The following THRB variants were observed in gnomAD, a reference collection of about 807,000 sequenced individuals.
The protein encoded by THRB is nuclear receptor subfamily 1 group A member 2.
A neutral mutation model predicts 47.8 loss-of-function variants in THRB; 12 were observed. That is an observed-to-expected ratio of 0.25 (90% CI 0.16 to 0.41). The LOEUF is 0.41. THRB is among the 10% of genes least tolerant of loss of function. The pLI, the probability that THRB is intolerant of heterozygous loss-of-function variation, is 1.00. For missense variants in THRB, 348 were observed against 589.2 expected, an observed-to-expected ratio of 0.59 and a Z score of 4.24; for synonymous variants, 218 against 212.2, an observed-to-expected ratio of 1.03 and a Z score of -0.24.
chr3:24,229,132 A>G (rs1254415623), intron 3 of THRB, 131 bp from the exon 4 acceptor site: 3 of 635,460 alleles, frequency 4.7e-6, no homozygotes, highest in Non-Finnish European at 8.5e-6. Flanking sequence ...AGAACTGGGG[A>G]CACCGAAGCA....
At chr3:24,396,744 C>G (rs1254485336) in intron 1 of THRB, among the ~76,000 whole-genome samples, 1 of 152,118 alleles carries the variant, frequency 6.6e-6, no homozygotes, top group Admixed American at 6.6e-5. Context: ...ATAAAATGCA[C>G]AGAACCAAAG....
chr3:24,137,517 A>C (rs79911591), intron 8 of THRB, among the ~76,000 whole-genome samples: 3,249 of 152,248 alleles, frequency 0.021, 111 homozygotes, highest in African/African-American at 0.07. Flanking sequence ...TGACTTGAGG[A>C]ATGTCAAGGA....
At chr3:24,191,758 GC>G (rs1490291486) in intron 4 of THRB, among the ~76,000 whole-genome samples, 8 of 152,206 alleles carry the variant, frequency 5.3e-5, no homozygotes, top group African/African-American at 1.4e-4. Flanking sequence ...ATGAGAAAAT[GC>G]CAATGCCCAT....
chr3:24,336,175 C>T (rs1273395976), intron 2 of THRB, among the ~76,000 whole-genome samples: 1 of 152,226 alleles, frequency 6.6e-6, no homozygotes, highest in Non-Finnish European at 1.5e-5. Context: ...ATGGCTGGTC[C>T]TCTCTAGGGA....
intron 2 of THRB, among the ~76,000 whole-genome samples, chr3:24,319,617 T>G (rs1022284889): frequency 3.9e-5 from 6 of 152,196 alleles, no homozygotes; most frequent in African/African-American, 7.2e-5. Context: ...TTGCTGGAAA[T>G]GTTTTGTATG....
intron 4 of THRB, among the ~76,000 whole-genome samples, chr3:24,204,351 T>C (rs543630092): frequency 1.3e-5 from 2 of 152,330 alleles, no homozygotes; most frequent in South Asian, 4.1e-4. Context: ...TCAGCAATAT[T>C]TGCTGTTCTG....
In THRB at chr3:24,312,395, A is replaced by G. The variant is rs147474842; in HGVS notation, c.-188-15024T>C. On this transcript the variant is annotated intron_variant, in intron 2 of 10. Coordinates refer to ENST00000646209, the MANE Select transcript of THRB (RefSeq NM_001354712.2). ...TGTACCTGGCACAGAGTAAATACTA[A>G]CTGTACTTCCTCATAGGTGGGAATT... Among the ~76,000 whole-genome samples the G allele has an allele frequency of 5.2e-3, 797 of 152,308 alleles. 7 individuals carry two copies. The highest frequency in any genetic ancestry group is 0.018 in the African/African-American group (753 of 41,564).
At chr3:24,349,760 A>AAT (rs1183681987) in intron 1 of THRB, among the ~76,000 whole-genome samples, 1 of 152,114 alleles carries the variant, frequency 6.6e-6, no homozygotes, top group African/African-American at 2.4e-5. Flanking sequence ...AACATATGGG[A>AAT]ATATATTCAT....
chr3:24,132,467 T>C (rs1056196795), intron 9 of THRB, among the ~76,000 whole-genome samples: 2 of 152,234 alleles, frequency 1.3e-5, no homozygotes, highest in Non-Finnish European at 2.9e-5. Flanking sequence ...TTTACAAATA[T>C]ATTATCCCAC....
At chr3:24,397,532 T>C (rs1193280505) in intron 1 of THRB, among the ~76,000 whole-genome samples, 1 of 151,964 alleles carries the variant, frequency 6.6e-6, no homozygotes, top group African/African-American at 2.4e-5. Context: ...GAGTAATTTT[T>C]ATTAGCATTA....
chr3:24,340,780 C>T (rs2062586206), intron 1 of THRB, among the ~76,000 whole-genome samples: 1 of 152,150 alleles, frequency 6.6e-6, no homozygotes, highest in African/African-American at 2.4e-5. Context: ...GTCTGAAAGT[C>T]CTGTTTCTCC....
At chr3:24,393,192 A>G (rs1261117156) in intron 1 of THRB, among the ~76,000 whole-genome samples, 1 of 152,136 alleles carries the variant, frequency 6.6e-6, no homozygotes, top group Non-Finnish European at 1.5e-5. Flanking sequence ...ATTTTACATC[A>G]TAATCTGCAG....
In THRB at chr3:24,458,295, C is replaced by T. The variant is rs2073374402; in HGVS notation, c.-261+36357G>A. On this transcript the variant is annotated intron_variant, in intron 1 of 10. Coordinates refer to ENST00000646209, the MANE Select transcript of THRB (RefSeq NM_001354712.2). ...TTAGAGATCCTGAGCAGGCTGAAGA[C>T]CCTGTTGTACTGGGTAGTTCTGAAG... 6 of 152,068 alleles carry T rather than the reference C, an allele frequency of 3.9e-5. 1 individual carries two copies. Among genetic ancestry groups the T allele is most frequent in the Admixed American group, 3.9e-4 (6 of 15,264 alleles). The allele number at this position is 152,068 out of a possible 1,614,324, so 9.4% of individuals were successfully genotyped here.
chr3:24,228,772 G>C (rs7642896), intron 4 of THRB, among the ~76,000 whole-genome samples, 166 bp downstream of exon 4: 31,224 of 151,966 alleles, frequency 0.21, 6,321 homozygotes, highest in African/African-American at 0.51. Context: ...ATCAGAAGAA[G>C]ATGGAAGTAC....
At chr3:24,303,714 G>A (rs1412310021) in intron 2 of THRB, among the ~76,000 whole-genome samples, 1 of 152,190 alleles carries the variant, frequency 6.6e-6, no homozygotes, top group Non-Finnish European at 1.5e-5. Context: ...TGAGAGTTTT[G>A]CCATTAGAAT....
chr3:24,254,824 ATG>A, intron 3 of THRB, among the ~76,000 whole-genome samples: 1 of 152,334 alleles, frequency 6.6e-6, no homozygotes, highest in African/African-American at 2.4e-5. Context: ...CCTATGACCA[ATG>A]ACTTAGTTTC....
chr3:24,451,276 C>CA (rs1181099687), intron 1 of THRB, among the ~76,000 whole-genome samples: 19 of 149,232 alleles, frequency 1.3e-4, no homozygotes, highest in Non-Finnish European at 3.0e-5. Context: ...CTGTGTCACC[C>CA]AGGCTGGAGT....
chr3:24,349,281 T>C (rs1349966571), intron 1 of THRB, among the ~76,000 whole-genome samples: 1 of 152,066 alleles, frequency 6.6e-6, no homozygotes, highest in Non-Finnish European at 1.5e-5. Context: ...AATTAGTATA[T>C]AGATTCAATA....
chr3:24,335,158 C>T (rs2062165219), intron 2 of THRB, among the ~76,000 whole-genome samples: 3 of 152,310 alleles, frequency 2.0e-5, no homozygotes, highest in South Asian at 4.1e-4. Flanking sequence ...TATGGTGCCT[C>T]TCTAAACCTC....
Sources: gnomAD v4.1 joint callset for allele counts (sites outside exome capture counted in the v4.1 genomes callset) on GRCh38, gnomAD v4.1.1 for gene constraint, MANE v1.5 for transcripts, NCBI Gene and HGNC (gene_info 2026-07-23, HGNC 2026-07-21) for gene names.